The following SKA2 variants were observed in gnomAD, a reference collection of about 807,000 sequenced individuals.
The protein encoded by SKA2 is spindle and kinetochore associated complex subunit 2, also known as spindle and kinetochore-associated protein 2.
In SKA2, 13 loss-of-function variants were observed where a neutral mutation model predicts 16.9. That is an observed-to-expected ratio of 0.77 (90% CI 0.50 to 1.22). The LOEUF (loss-of-function observed/expected upper bound fraction) is 1.22, where lower values mean the gene tolerates loss of function less well. Ranked by LOEUF, SKA2 falls within the 50% of genes most tolerant of loss-of-function variation. The probability of loss-of-function intolerance (pLI) is 0.00; values close to 1 mark genes in which losing one functional copy is unlikely to be tolerated. For missense variants in SKA2, 107 were observed against 139.7 expected (o/e 0.77, Z 1.18); for synonymous variants, 47 against 48.5 (o/e 0.97, Z 0.13).
At position 59,147,331 on chromosome 17, in the gene SKA2, C is replaced by T. The variant is rs138688842; in HGVS notation, c.33+7800G>A. Reference sequence around the variant, plus strand: ...TAAAAGCCAAAGAGGAAAGCAGCTGCGCTTAAGGCCAGGGCTGGTAACTAA... The same window carrying T: ...TAAAAGCCAAAGAGGAAAGCAGCTGTGCTTAAGGCCAGGGCTGGTAACTAA... On this transcript the variant is annotated intron_variant, in intron 1 of 3. Coordinates refer to ENST00000330137, the MANE Select transcript of SKA2 (RefSeq NM_182620.4). 1.2e-3 allele frequency among the ~76,000 whole-genome samples: 182 copies of T among 151,334 alleles called. 1 individual carries two copies. The highest frequency in any genetic ancestry group is 2.1e-3 in the Non-Finnish European group (145 of 67,940).
At chr17:59,124,459 G>C (rs1281088337) in intron 2 of SKA2, 1 of 152,028 alleles carries the variant, frequency 6.6e-6, no homozygotes, top group Non-Finnish European at 1.5e-5. Flanking sequence ...TTAACATTGG[G>C]AGGGAAATTG....
At chr17:59,126,702 A>T (rs2046374660) in intron 2 of SKA2, among the ~76,000 whole-genome samples, 1 of 152,222 alleles carries the variant, frequency 6.6e-6, no homozygotes, top group African/African-American at 2.4e-5. Context: ...GGAGTTAAAA[A>T]GTCATATTTC....
At position 59,116,810 on chromosome 17, in the gene SKA2, C is replaced by CTTT. The variant is rs909458290; in HGVS notation, c.297+2506_297+2508dup. Among the ~76,000 whole-genome samples, 84 of 75,304 alleles carry CTTT rather than the reference C, an allele frequency of 1.1e-3. 9 individuals are homozygous for CTTT. Among genetic ancestry groups the CTTT allele is most frequent in the South Asian group, 4.1e-3 (7 of 1,728 alleles). The allele number at this position is 75,304 out of a possible 152,430, so 49.4% of individuals were successfully genotyped here. ...AGGCCTTAGCTCTATCTGCCTTTGG[C>CTTT]TTTTTTTTTTTTTTTTTTTTTTTTT... On this transcript the variant is annotated intron_variant, in intron 3 of 3. Transcript: ENST00000330137.
At chr17:59,141,328 C>T (rs562661592) in intron 1 of SKA2, among the ~76,000 whole-genome samples, 7 of 151,970 alleles carry the variant, frequency 4.6e-5, no homozygotes, top group East Asian at 3.9e-4. Context: ...ACCTGGGAAG[C>T]GGAGGTTGCA....
At chr17:59,153,703 G>T (rs2147825056) in intron 1 of SKA2, among the ~76,000 whole-genome samples, 1 of 152,314 alleles carries the variant, frequency 6.6e-6, no homozygotes, top group Admixed American at 6.5e-5. Context: ...TACCTAAGCA[G>T]TAATGCCAGG....
intron 1 of SKA2, among the ~76,000 whole-genome samples, chr17:59,143,287 T>C (rs2046506921): frequency 6.6e-6 from 1 of 151,878 alleles, no homozygotes; most frequent in Admixed American, 6.6e-5. Flanking sequence ...CACTGCAACC[T>C]CCACTTCCCA....
chr17:59,153,201 A>G (rs1945163920), intron 1 of SKA2, among the ~76,000 whole-genome samples: 2 of 152,240 alleles, frequency 1.3e-5, no homozygotes, highest in Admixed American at 1.3e-4. Context: ...TTTAGCAGAA[A>G]TGAATTATGA....
At chr17:59,120,033 G>T (rs533368137) in intron 2 of SKA2, among the ~76,000 whole-genome samples, 1 of 151,284 alleles carries the variant, frequency 6.6e-6, no homozygotes, top group Non-Finnish European at 1.5e-5. Context: ...CTCAGCCTCC[G>T]GAGTAGCTGG....
chr17:59,153,151 T>C (rs941420267), intron 1 of SKA2, among the ~76,000 whole-genome samples: 2 of 152,174 alleles, frequency 1.3e-5, no homozygotes, highest in Admixed American at 6.6e-5. Flanking sequence ...AACAGCCAAT[T>C]TGAGAAGCAA....
At chr17:59,147,377 G>GACACACACACACACACACACACAC (rs57098353) in intron 1 of SKA2, among the ~76,000 whole-genome samples, 48 of 138,216 alleles carry the variant, frequency 3.5e-4, no homozygotes, top group African/African-American at 1.3e-3. Context: ...TTATATATAA[G>GACACACACACACACACACACACAC]ACACACACAC....
At chr17:59,135,310 CTT>C (rs71145527) in intron 1 of SKA2, among the ~76,000 whole-genome samples, 5 of 126,160 alleles carry the variant, frequency 4.0e-5, no homozygotes, top group African/African-American at 8.5e-5. Flanking sequence ...ACTAAACTGT[CTT>C]TTTTTTTTTT....
intron 1 of SKA2, among the ~76,000 whole-genome samples, chr17:59,141,745 A>G (rs2046492056): frequency 6.7e-6 from 1 of 149,812 alleles, no homozygotes; most frequent in Non-Finnish European, 1.5e-5. Flanking sequence ...AAAAAAAAAG[A>G]GAGCCTAGGC....
intron 2 of SKA2, among the ~76,000 whole-genome samples, chr17:59,126,444 C>T (rs770995772): frequency 1.3e-5 from 2 of 152,130 alleles, no homozygotes; most frequent in African/African-American, 2.4e-5. Flanking sequence ...ACACACACCA[C>T]AGTGGCTGGC....
intron 1 of SKA2, among the ~76,000 whole-genome samples, chr17:59,148,432 T>A (rs1053533088): frequency 1.9e-4 from 29 of 151,760 alleles, no homozygotes; most frequent in South Asian, 1.0e-3. Flanking sequence ...AATAAAAAAA[T>A]TTTTTTGAGA....
chr17:59,127,814 C>T (rs1054431455), intron 2 of SKA2, among the ~76,000 whole-genome samples: 3 of 152,038 alleles, frequency 2.0e-5, no homozygotes, highest in African/African-American at 7.2e-5. Context: ...GGTATATACT[C>T]GAGAGAAATG....
At chr17:59,127,449 C>G (rs757348942) in intron 2 of SKA2, among the ~76,000 whole-genome samples, 2 of 152,080 alleles carry the variant, frequency 1.3e-5, no homozygotes, top group Non-Finnish European at 2.9e-5. Context: ...AGTTCAATGG[C>G]GCAATCTGGA....
At chr17:59,138,412 G>T (rs1044301465) in intron 1 of SKA2, among the ~76,000 whole-genome samples, 6 of 151,538 alleles carry the variant, frequency 4.0e-5, no homozygotes, top group Non-Finnish European at 5.9e-5. Context: ...TTGGATTAGG[G>T]ATGCTCAACC....
chr17:59,143,141 T>C (rs115214926), intron 1 of SKA2, among the ~76,000 whole-genome samples: 1,736 of 152,174 alleles, frequency 0.011, 37 homozygotes, highest in African/African-American at 0.04. Flanking sequence ...ATAACAAGTA[T>C]AGAATAATCA....
At chr17:59,143,086 A>G (rs1219479000) in intron 1 of SKA2, among the ~76,000 whole-genome samples, 1 of 151,326 alleles carries the variant, frequency 6.6e-6, no homozygotes, top group Non-Finnish European at 1.5e-5. Context: ...GTTTATTTTT[A>G]AAAGATGTCT....
Sources: gnomAD v4.1 joint callset for allele counts (sites outside exome capture counted in the v4.1 genomes callset) on GRCh38, gnomAD v4.1.1 for gene constraint, MANE v1.5 for transcripts, NCBI Gene and HGNC (gene_info 2026-07-23, HGNC 2026-07-21) for gene names.